The following TRDMT1 variants were observed in gnomAD, a reference collection of about 807,000 sequenced individuals.
TRDMT1 encodes the protein tRNA (cytosine(38)-C(5))-methyltransferase.
TRDMT1 carries 49 observed loss-of-function variants against 51.2 expected under a neutral mutation model. The ratio of observed to expected loss-of-function variants is 0.96; its 90% CI spans 0.76 to 1.21. The LOEUF (loss-of-function observed/expected upper bound fraction) is 1.21, where lower values mean the gene tolerates loss of function less well. Among genes scored for constraint, TRDMT1 ranks in the 50% most tolerant of loss-of-function variants. TRDMT1 has a pLI of 0.00. For synonymous variants in TRDMT1, 187 were observed against 164.6 expected (o/e 1.14, Z -1.04); for missense variants, 534 against 462.3 (o/e 1.16, Z -1.42).
chr10:17,145,983 A>G lies in TRDMT1; in HGVS notation c.*3057T>C. The stretch of plus-strand genomic sequence containing the variant: ...TAGGTTGAGATGGGAGCAAAAACCC[A>G]GATGGTGATTTCTGCTGAGAACTTC... On this transcript the variant is annotated 3_prime_UTR_variant, in exon 11 of 11. Transcript: ENST00000377799. The G allele has an allele frequency of 6.1e-6, 6 of 985,472 alleles. No individual in the cohort carries two copies. The highest frequency in any genetic ancestry group is 7.2e-6 in the Non-Finnish European group (6 of 829,968). 61.0% of individuals were successfully genotyped at this position (985,472 alleles called of 1,614,324 possible).
At chr10:17,169,657 C>T (rs995268857) in intron 2 of TRDMT1, 1 of 595,780 alleles carries the variant, frequency 1.7e-6, no homozygotes, top group Admixed American at 2.6e-5. Context: ...AGAATCAAAA[C>T]CTTCCTAATT....
chr10:17,166,998 T>A (rs1283591603), intron 3 of TRDMT1, among the ~76,000 whole-genome samples: 1 of 152,214 alleles, frequency 6.6e-6, no homozygotes, highest in East Asian at 1.9e-4. Context: ...AAGAATTCCC[T>A]TCTCTTGGTA....
At chr10:17,171,887 T>C (rs954082221) in intron 2 of TRDMT1, 8 of 161,334 alleles carry the variant, frequency 5.0e-5, no homozygotes, top group African/African-American at 1.9e-4. Flanking sequence ...ATTGTAAATT[T>C]CATTCTAGAA....
In TRDMT1 at chr10:17,149,142, T is replaced by C. The variant is rs1458813249; in HGVS notation, c.1076-2A>G. ...TCACTGTTATCTTCTCAGGAAATCC[T>C]AAAAAGACAAAGAACAATTTAAAGA... is the stretch of plus-strand genomic sequence containing the variant. On this transcript the variant is annotated splice_acceptor_variant, in intron 10 of 10. Transcript: ENST00000377799. LOFTEE classifies it high-confidence loss of function. 1.9e-6 allele frequency: 3 copies of C among 1,599,306 alleles called. No individual in the cohort carries two copies.
chr10:17,148,570 G>C lies in TRDMT1; in HGVS notation c.*470C>G, dbSNP rs1287890832. ...TTTACATATCATATGCATTTGTTTA[G>C]ATGAAATAAAGAAATATTTACAGGA... On this transcript the variant is annotated 3_prime_UTR_variant, in exon 11 of 11. Coordinates refer to ENST00000377799, the MANE Select transcript of TRDMT1 (RefSeq NM_004412.7). 1.0e-6 allele frequency: 1 copy of C among 977,928 alleles called. No homozygotes were observed. The highest frequency in any genetic ancestry group is 1.8e-5 in the African/African-American group (1 of 57,020). 60.6% of individuals were successfully genotyped at this position (977,928 alleles called of 1,614,324 possible). A position where few individuals can be genotyped will look rare whatever the true frequency, so the allele number is the denominator to read the frequency against.
intron 1 of TRDMT1, among the ~76,000 whole-genome samples, chr10:17,194,666 C>G (rs1262400545): frequency 6.6e-6 from 1 of 151,984 alleles, no homozygotes; most frequent in Non-Finnish European, 1.5e-5. Context: ...GGCGTGATGG[C>G]TCATGCCTGT....
chr10:17,149,849 T>C (rs1309091464), intron 10 of TRDMT1, among the ~76,000 whole-genome samples: 1 of 152,222 alleles, frequency 6.6e-6, no homozygotes, highest in Non-Finnish European at 1.5e-5. Flanking sequence ...TTCTATTGTA[T>C]GGATTTATCA....
intron 2 of TRDMT1, chr10:17,169,341 G>C (rs1003524159): frequency 1.3e-5 from 16 of 1,196,752 alleles, no homozygotes; most frequent in Non-Finnish European, 1.7e-5. Context: ...TAGCAAATGT[G>C]ATATGCAGAC....
chr10:17,154,817 T>C (rs1839277935), intron 8 of TRDMT1, 83 bp from the exon 9 acceptor site: 2 of 1,199,304 alleles, frequency 1.7e-6, no homozygotes, highest in African/African-American at 3.1e-5. Context: ...AATGAATTAA[T>C]CAATCTACAC....
At chr10:17,199,928 C>T (rs532549855) in intron 1 of TRDMT1, among the ~76,000 whole-genome samples, 24 of 152,288 alleles carry the variant, frequency 1.6e-4, no homozygotes, top group Non-Finnish European at 3.2e-4. Context: ...CCAAAACTGT[C>T]ACTTAAAATT....
Position 17,145,245 on chromosome 10 carries a change from T to TGAAAAA in TRDMT1, c.*3794_*3795insTTTTTC. On this transcript the variant is annotated 3_prime_UTR_variant, in exon 11 of 11. Coordinates refer to ENST00000377799, the MANE Select transcript of TRDMT1 (RefSeq NM_004412.7). ...CTAGGCAACAGAGCGAGACTCAGTC[T>TGAAAAA]CAAAAACAAAACAAAACAAAACAAA... 8.9e-6 allele frequency: 1 copy of TGAAAAA among 112,196 alleles called. No individual in the cohort carries two copies. The allele number at this position is 112,196 out of a possible 1,614,324, so 7.0% of individuals were successfully genotyped here.
chr10:17,148,700 A>T lies in TRDMT1; in HGVS notation c.*340T>A, dbSNP rs2131365721. The stretch of plus-strand genomic sequence containing the variant: ...AACATAAAAATATGTTATGCCTGTT[A>T]TGACACTTCACAAGATACTCATGTA... On this transcript the variant is annotated 3_prime_UTR_variant, in exon 11 of 11. Coordinates refer to ENST00000377799, the MANE Select transcript of TRDMT1 (RefSeq NM_004412.7). The T allele has an allele frequency of 1.0e-6, 1 of 987,888 alleles. No individual in the cohort carries two copies. The highest frequency in any genetic ancestry group is 1.1e-4 in the East Asian group (1 of 9,154). The allele number at this position is 987,888 out of a possible 1,614,324, so 61.2% of individuals were successfully genotyped here.
intron 8 of TRDMT1, among the ~76,000 whole-genome samples, chr10:17,155,311 A>C (rs1436368580): frequency 1.3e-5 from 2 of 152,192 alleles, no homozygotes; most frequent in Admixed American, 6.5e-5. Flanking sequence ...ATAAATTGTC[A>C]TTTCTTTTTA....
In TRDMT1 at chr10:17,147,048, T is replaced by C; in HGVS notation, c.*1992A>G. On this transcript the variant is annotated 3_prime_UTR_variant, in exon 11 of 11. Coordinates refer to ENST00000377799, the MANE Select transcript of TRDMT1 (RefSeq NM_004412.7). ...AATGTCTCTACAGACCTTTCAAGTA[T>C]TTATAGTTGGTGCACAGTAACTCGA... is the stretch of plus-strand genomic sequence containing the variant. The C allele has an allele frequency of 2.0e-6, 2 of 985,702 alleles. No individual in the cohort carries two copies. The highest frequency in any genetic ancestry group is 9.4e-5 in the South Asian group (2 of 21,292). 61.1% of individuals were successfully genotyped at this position (985,702 alleles called of 1,614,324 possible).
At chr10:17,150,673 C>A in intron 10 of TRDMT1, 1 of 984,862 alleles carries the variant, frequency 1.0e-6, no homozygotes, top group South Asian at 4.7e-5. Flanking sequence ...AGCAAAATTT[C>A]ATATACTCAT....
chr10:17,163,711 A>C (rs929138010), intron 3 of TRDMT1, among the ~76,000 whole-genome samples: 5 of 152,216 alleles, frequency 3.3e-5, no homozygotes, highest in Non-Finnish European at 5.9e-5. Context: ...CAGAAATACA[A>C]ACTACCATCA....
At chr10:17,168,697 G>A (rs573489039) in intron 3 of TRDMT1, 144 bp downstream of exon 3, 32 of 585,302 alleles carry the variant, frequency 5.5e-5, no homozygotes, top group Middle Eastern at 4.0e-4. Flanking sequence ...CTTGCCTTCC[G>A]CCATGATTGT....
In TRDMT1 at chr10:17,157,518, T is replaced by C. The variant is rs776104471; in HGVS notation, c.810A>G (p.Pro270=). 2 of 1,614,056 alleles carry C rather than the reference T, an allele frequency of 1.2e-6. No individual in the cohort carries two copies. The highest frequency in any genetic ancestry group is 2.2e-5 in the South Asian group (2 of 91,084). The change falls in exon 8 of 11, where the codon CCA becomes CCG. Residue 270 remains proline (P), a synonymous_variant. Coordinates refer to ENST00000377799, the MANE Select transcript of TRDMT1 (RefSeq NM_004412.7). ...DTDVNQYLLP[P]KSLLRYALLL... is the part of the protein sequence containing the mutation. Reference sequence around the variant, plus strand: ...GAAGAGCATATCGCAGCAATGACTTTGGTGGTAAAAGATACTGGTTCACGT... The same window carrying C: ...GAAGAGCATATCGCAGCAATGACTTCGGTGGTAAAAGATACTGGTTCACGT...
At position 17,142,980 on chromosome 10, in the gene TRDMT1, G is replaced by C; in HGVS notation, c.*6060C>G. On this transcript the variant is annotated 3_prime_UTR_variant, in exon 11 of 11. Coordinates refer to ENST00000377799, the MANE Select transcript of TRDMT1 (RefSeq NM_004412.7). ...ACTCTCTTGTCAAGACCAGAAGTCAGAATACAGTATTTTAAAAAGTTTTAT... is the reference window on the plus strand; with the variant it reads ...ACTCTCTTGTCAAGACCAGAAGTCACAATACAGTATTTTAAAAAGTTTTAT... The C allele has an allele frequency of 4.1e-6, 4 of 985,120 alleles. No individual in the cohort carries two copies. In the South Asian group the frequency reaches 1.9e-4, roughly 46 times the overall value. 61.0% of individuals were successfully genotyped at this position (985,120 alleles called of 1,614,324 possible). A position where few individuals can be genotyped will look rare whatever the true frequency, so the allele number is the denominator to read the frequency against.
Sources: allele counts gnomAD v4.1 joint callset (sites outside exome capture counted in the v4.1 genomes callset), GRCh38; gene constraint gnomAD v4.1.1; transcripts MANE v1.5; gene names NCBI Gene and HGNC (gene_info 2026-07-23, HGNC 2026-07-21).